AKT3: variants seen among roughly 807,000 people sequenced by gnomAD.
AKT3 encodes RAC-gamma serine/threonine-protein kinase.
Under a neutral mutation model 65.3 loss-of-function variants are expected in AKT3, and 15 were observed. That is an observed-to-expected ratio of 0.23 (90% CI 0.15 to 0.35). The LOEUF (loss-of-function observed/expected upper bound fraction) is 0.35. Ranked by LOEUF, AKT3 falls within the 10% of genes least tolerant of loss-of-function variation. The pLI, the probability that AKT3 is intolerant of heterozygous loss-of-function variation, is 1.00. For synonymous variants in AKT3, 206 were observed against 183.8 expected (o/e 1.12, Z -0.98); for missense variants, 243 against 576.5 (o/e 0.42, Z 5.92).
chr1:243,744,263 T>C (rs1688337434), intron 2 of AKT3, among the ~76,000 whole-genome samples: 1 of 152,194 alleles, frequency 6.6e-6, no homozygotes, highest in Non-Finnish European at 1.5e-5. Context: ...GAAGTCATCC[T>C]GTTTGCTTGG....
At chr1:243,700,506 A>ATTTT (rs67611152) in intron 2 of AKT3, among the ~76,000 whole-genome samples, 4 of 139,940 alleles carry the variant, frequency 2.9e-5, no homozygotes, top group Non-Finnish European at 3.1e-5. Context: ...GGCTTAGTCT[A>ATTTT]TTTTTTTTTT....
chr1:243,830,421 T>C (rs1694432607), intron 2 of AKT3, among the ~76,000 whole-genome samples: 2 of 152,148 alleles, frequency 1.3e-5, no homozygotes, highest in African/African-American at 4.8e-5. Context: ...CCGTGTCTTA[T>C]AATAATTATA....
chr1:243,657,938 A>T (rs143104152), intron 4 of AKT3, among the ~76,000 whole-genome samples: 4 of 152,190 alleles, frequency 2.6e-5, no homozygotes, highest in African/African-American at 9.6e-5. Flanking sequence ...CAAAAGAACA[A>T]AAGTGGAGCC....
chr1:243,525,394 C>T (rs1344741403), intron 12 of AKT3, among the ~76,000 whole-genome samples: 1 of 151,790 alleles, frequency 6.6e-6, no homozygotes, highest in African/African-American at 2.4e-5. Context: ...AGAACCCATA[C>T]ACTAGAAAAA....
At chr1:243,736,711 G>A (rs1245227650) in intron 2 of AKT3, among the ~76,000 whole-genome samples, 4 of 152,122 alleles carry the variant, frequency 2.6e-5, no homozygotes. Flanking sequence ...CTAACAAAAT[G>A]AGAAAGTCAA....
intron 10 of AKT3, among the ~76,000 whole-genome samples, chr1:243,561,811 C>G (rs569591904): frequency 6.6e-6 from 1 of 152,148 alleles, no homozygotes. Context: ...CCATCACTTT[C>G]GCTGAACATA....
At chr1:243,679,417 G>A (rs1440403769) in intron 3 of AKT3, among the ~76,000 whole-genome samples, 1 of 152,052 alleles carries the variant, frequency 6.6e-6, no homozygotes, top group Non-Finnish European at 1.5e-5. Context: ...AGAGAAAACT[G>A]ACCAATCTTT....
At chr1:243,670,449 A>T (rs1267108274) in intron 3 of AKT3, among the ~76,000 whole-genome samples, 5 of 152,214 alleles carry the variant, frequency 3.3e-5, no homozygotes. Context: ...GAAACACATG[A>T]TTCTTAAAGG....
intron 12 of AKT3, among the ~76,000 whole-genome samples, chr1:243,521,425 T>C (rs1670712301): frequency 6.6e-6 from 1 of 152,236 alleles, no homozygotes; most frequent in Non-Finnish European, 1.5e-5. Flanking sequence ...GCTTTGTGTA[T>C]ATGTAGGTGT....
chr1:243,770,459 T>C (rs981057570), intron 2 of AKT3, among the ~76,000 whole-genome samples: 1 of 152,110 alleles, frequency 6.6e-6, no homozygotes, highest in African/African-American at 2.4e-5. Context: ...CATAGTATCA[T>C]ACTTTTTTTC....
At chr1:243,678,121 C>T (rs1382377551) in intron 3 of AKT3, among the ~76,000 whole-genome samples, 1 of 151,832 alleles carries the variant, frequency 6.6e-6, no homozygotes, top group African/African-American at 2.4e-5. Context: ...ATAGAGATAG[C>T]CTATCAGTCA....
rs777277275 is a variant in AKT3, at chr1:243,573,031, C to G, written c.714G>C (p.Ser238=). 1 of 1,612,794 alleles carries G rather than the reference C, an allele frequency of 6.2e-7. No homozygotes were observed. Among genetic ancestry groups the G allele is most frequent in the Non-Finnish European group, 8.5e-7 (1 of 1,179,438 alleles). The change falls in exon 9 of 14, where the codon TCG becomes TCC. Residue 238 remains serine (S), a synonymous_variant. Coordinates refer to ENST00000673466, the MANE Select transcript of AKT3 (RefSeq NM_005465.7). ...GGTCCTCAGAGAACACCCGCTCTCTCGACAAATGGAAAAACAGCTGCAGGG... is the reference window on the plus strand; with the variant it reads ...GGTCCTCAGAGAACACCCGCTCTCTGGACAAATGGAAAAACAGCTGCAGGG... The part of the protein sequence containing the change: ...VNGGELFFHL[S]RERVFSEDRT...
At chr1:243,528,431 G>A (rs543940132) in intron 12 of AKT3, among the ~76,000 whole-genome samples, 187 of 152,252 alleles carry the variant, frequency 1.2e-3, no homozygotes, top group African/African-American at 4.3e-3. Context: ...CAGATAATAA[G>A]CACAGTACCT....
intron 12 of AKT3, among the ~76,000 whole-genome samples, chr1:243,527,870 A>AACAC (rs56956606): frequency 1.7e-3 from 167 of 99,162 alleles, no homozygotes; most frequent in Middle Eastern, 5.4e-3. Context: ...CATCTCTTAA[A>AACAC]ACACACACAC....
intron 5 of AKT3, among the ~76,000 whole-genome samples, chr1:243,638,924 G>GA (rs1288583271): frequency 4.0e-5 from 6 of 151,758 alleles, no homozygotes; most frequent in East Asian, 1.9e-4. Context: ...AAAGAGTAGA[G>GA]AAAAAATCAG....
chr1:243,632,791 T>C (rs1342925074), intron 6 of AKT3, among the ~76,000 whole-genome samples: 2 of 152,346 alleles, frequency 1.3e-5, no homozygotes, highest in Admixed American at 6.5e-5. Context: ...ATTGCACTTT[T>C]AGGCTATAGA....
At chr1:243,707,868 A>AT (rs1302741494) in intron 2 of AKT3, among the ~76,000 whole-genome samples, 1 of 152,146 alleles carries the variant, frequency 6.6e-6, no homozygotes, top group Non-Finnish European at 1.5e-5. Context: ...AACTTCTAGT[A>AT]TATTTATACA....
intron 11 of AKT3, among the ~76,000 whole-genome samples, chr1:243,552,288 C>CAAAAA (rs33995513): frequency 0.039 from 1,945 of 50,158 alleles, 647 homozygotes; most frequent in Admixed American, 0.083. Context: ...GACTCTGTCT[C>CAAAAA]AAAAAAAAAA....
chr1:243,772,115 GGACATA>G (rs1414845384), intron 2 of AKT3, among the ~76,000 whole-genome samples: 1 of 152,158 alleles, frequency 6.6e-6, no homozygotes, highest in Non-Finnish European at 1.5e-5. Flanking sequence ...ATACCATTCA[GGACATA>G]GGCATAGGCA....
Sources: allele counts gnomAD v4.1 joint callset (sites outside exome capture counted in the v4.1 genomes callset), GRCh38; gene constraint gnomAD v4.1.1; transcripts MANE v1.5; gene names NCBI Gene and HGNC (gene_info 2026-07-23, HGNC 2026-07-21).